Variants in SLIT3 observed in about 807,000 individuals in gnomAD.
SLIT3 encodes the protein slit guidance ligand 3.
In SLIT3, 68 loss-of-function variants were observed where a neutral mutation model predicts 184.0. That is an observed-to-expected ratio of 0.37 (90% CI 0.30 to 0.45). The LOEUF is 0.45. Ranked by LOEUF, SLIT3 falls within the 20% of genes least tolerant of loss-of-function variation. SLIT3 has a pLI of 1.00. For missense variants in SLIT3, 1,707 were observed against 2,026.0 expected (o/e 0.84, Z 3.02); for synonymous variants, 831 against 828.6 (o/e 1.00, Z -0.05).
chr5:168,854,424 G>T (rs530263601), intron 5 of SLIT3, among the ~76,000 whole-genome samples: 1 of 152,270 alleles, frequency 6.6e-6, no homozygotes, highest in Non-Finnish European at 1.5e-5. Flanking sequence ...TTCCTTGGGA[G>T]TCCCAGTCCA....
chr5:169,215,457 C>A (rs543058779), intron 3 of SLIT3, among the ~76,000 whole-genome samples: 1 of 152,242 alleles, frequency 6.6e-6, no homozygotes, highest in Admixed American at 6.5e-5. Context: ...GGCTAGGAAA[C>A]CCTTTCTGTA....
chr5:169,219,629 A>AC lies in SLIT3; in HGVS notation c.341+25075dup, dbSNP rs1160356272. On this transcript the variant is annotated intron_variant, in intron 3 of 35. Transcript: ENST00000519560. ...TGCTGAGGAATGCAGCAAGGGGCTC[A>AC]CCCCACGACCCACAGATGCATGACC... 2.7e-5 allele frequency among the ~76,000 whole-genome samples: 4 copies of AC among 150,190 alleles called. No homozygotes were observed. The East Asian group carries it at 6.2e-4, about 23-fold the overall frequency.
At chr5:168,843,926 G>A (rs1201601159) in intron 6 of SLIT3, among the ~76,000 whole-genome samples, 2 of 152,140 alleles carry the variant, frequency 1.3e-5, no homozygotes, top group African/African-American at 4.8e-5. Context: ...AAGGTGTATA[G>A]GGTAGGATTT....
intron 6 of SLIT3, among the ~76,000 whole-genome samples, chr5:168,825,478 T>C (rs750048006): frequency 6.6e-6 from 1 of 152,112 alleles, no homozygotes. Context: ...ATATTTACTG[T>C]GCACCTACCA....
At position 168,685,771 on chromosome 5, in the gene SLIT3, G is replaced by A. The variant is rs142117627; in HGVS notation, c.3471C>T (p.Leu1157=). The A allele has an allele frequency of 2.5e-5, 40 of 1,611,922 alleles. No individual in the cohort carries two copies. The highest frequency in any genetic ancestry group is 3.2e-5 in the Non-Finnish European group (38 of 1,178,808). The change falls in exon 31 of 36, where the codon CTC becomes CTT. Residue 1157 remains leucine, a synonymous_variant. Transcript: ENST00000519560. ...CTTTGCCCACGAAGTTGACAGTGATGAGCTTCTCGCATCTGGGGCCGGCGA... is the reference window on the plus strand; with the variant it reads ...CTTTGCCCACGAAGTTGACAGTGATAAGCTTCTCGCATCTGGGGCCGGCGA... The part of the protein sequence containing the change: ...PGFAGPRCEK[L]ITVNFVGKDS...
At chr5:168,997,588 T>C (rs1755559516) in intron 4 of SLIT3, among the ~76,000 whole-genome samples, 1 of 152,138 alleles carries the variant, frequency 6.6e-6, no homozygotes, top group African/African-American at 2.4e-5. Flanking sequence ...AAATTCCCTT[T>C]CTCATCCAAG....
intron 1 of SLIT3, among the ~76,000 whole-genome samples, chr5:169,259,496 T>C (rs1028644404): frequency 6.6e-6 from 1 of 152,220 alleles, no homozygotes; most frequent in Non-Finnish European, 1.5e-5. Flanking sequence ...AGATCTGTGA[T>C]AGTTAGGGAG....
chr5:169,064,845 A>G (rs1581368070), intron 4 of SLIT3, among the ~76,000 whole-genome samples: 1 of 152,088 alleles, frequency 6.6e-6, no homozygotes, highest in East Asian at 1.9e-4. Context: ...ATGAGGGACC[A>G]AAGAGATTTT....
chr5:169,141,368 T>A (rs1761730295), intron 4 of SLIT3, among the ~76,000 whole-genome samples: 1 of 152,110 alleles, frequency 6.6e-6, no homozygotes, highest in African/African-American at 2.4e-5. Flanking sequence ...TTTGAAAAGG[T>A]TTTGTCCAGG....
In SLIT3 at chr5:168,664,408, G is replaced by A. The variant is rs761526999; in HGVS notation, c.*2046C>T. The A allele has an allele frequency of 6.6e-6, 1 of 152,192 alleles. No homozygotes were observed. The highest frequency in any genetic ancestry group is 1.5e-5 in the Non-Finnish European group (1 of 68,062). The allele number at this position is 152,192 out of a possible 1,614,324, so 9.4% of individuals were successfully genotyped here. A position where few individuals can be genotyped will look rare whatever the true frequency, so the allele number is the denominator to read the frequency against. Reference sequence around the variant, plus strand: ...ACAACAAAAAACAAAGCCATCATAAGGCACAGTACCTGGAACATAATGGAG... The same window carrying A: ...ACAACAAAAAACAAAGCCATCATAAAGCACAGTACCTGGAACATAATGGAG... On this transcript the variant is annotated 3_prime_UTR_variant, in exon 36 of 36. Coordinates refer to ENST00000519560, the MANE Select transcript of SLIT3 (RefSeq NM_003062.4).
chr5:169,148,344 A>T (rs1761999596), intron 4 of SLIT3, among the ~76,000 whole-genome samples: 1 of 152,212 alleles, frequency 6.6e-6, no homozygotes, highest in Admixed American at 6.5e-5. Context: ...GCTCTTTTTA[A>T]AAGGCCGAAG....
At chr5:168,864,655 C>T (rs1453229318) in intron 5 of SLIT3, among the ~76,000 whole-genome samples, 1 of 152,224 alleles carries the variant, frequency 6.6e-6, no homozygotes, top group Non-Finnish European at 1.5e-5. Flanking sequence ...CCTCTGAATT[C>T]TTACCAAGAA....
At chr5:169,177,562 C>A (rs1174653440) in intron 4 of SLIT3, among the ~76,000 whole-genome samples, 2 of 152,138 alleles carry the variant, frequency 1.3e-5, no homozygotes, top group Admixed American at 1.3e-4. Flanking sequence ...GGTGCAGTGA[C>A]CCTGCCCACC....
chr5:169,117,890 G>C (rs1158362140), intron 4 of SLIT3, among the ~76,000 whole-genome samples: 1 of 152,200 alleles, frequency 6.6e-6, no homozygotes, highest in African/African-American at 2.4e-5. Context: ...ACAGGCCACA[G>C]CGCTTCCTAA....
intron 4 of SLIT3, among the ~76,000 whole-genome samples, chr5:168,984,570 T>C (rs1327290715): frequency 2.0e-5 from 3 of 152,152 alleles, no homozygotes; most frequent in Non-Finnish European, 4.4e-5. Context: ...CCCACTGAAA[T>C]ATCAAGGTGA....
At chr5:169,194,479 T>TG (rs1763678943) in intron 3 of SLIT3, among the ~76,000 whole-genome samples, 2 of 152,176 alleles carry the variant, frequency 1.3e-5, no homozygotes, top group South Asian at 4.1e-4. Flanking sequence ...TTTGCCTTTG[T>TG]GGGCTGCTTT....
chr5:168,971,901 C>T (rs991017599), intron 4 of SLIT3, among the ~76,000 whole-genome samples: 6 of 152,178 alleles, frequency 3.9e-5, no homozygotes, highest in Non-Finnish European at 7.3e-5. Flanking sequence ...GAGGCTACCT[C>T]GGGGAGCGAG....
intron 4 of SLIT3, among the ~76,000 whole-genome samples, chr5:169,047,830 C>G (rs954084402): frequency 3.3e-5 from 5 of 152,054 alleles, no homozygotes; most frequent in Admixed American, 6.6e-5. Flanking sequence ...TATGAGGGTC[C>G]TTAGCCCGTT....
In SLIT3 at chr5:168,825,607, T is replaced by C. The variant is rs190407946; in HGVS notation, c.558-2276A>G. The stretch of plus-strand genomic sequence containing the variant: ...ACTCGCCAATGCAGGTATTTGGCAT[T>C]TTATGAAGTTGAGCCCACTTAGCGG... On this transcript the variant is annotated intron_variant, in intron 6 of 35. Coordinates refer to ENST00000519560, the MANE Select transcript of SLIT3 (RefSeq NM_003062.4). 2.0e-5 allele frequency among the ~76,000 whole-genome samples: 3 copies of C among 152,336 alleles called. No homozygotes were observed. In the East Asian group the frequency reaches 5.8e-4, roughly 29 times the overall value.
Sources: gnomAD v4.1 joint callset for allele counts (sites outside exome capture counted in the v4.1 genomes callset) on GRCh38, gnomAD v4.1.1 for gene constraint, MANE v1.5 for transcripts, NCBI Gene and HGNC (gene_info 2026-07-23, HGNC 2026-07-21) for gene names.